GLB1: variants seen among roughly 807,000 people sequenced by gnomAD.
The protein encoded by GLB1 is beta-galactosidase.
A neutral mutation model predicts 74.0 loss-of-function variants in GLB1; 56 were observed. The ratio of observed to expected loss-of-function variants is 0.76; its 90% CI spans 0.61 to 0.94. GLB1 has a LOEUF of 0.94. Among genes scored for constraint, GLB1 ranks in the 40% least tolerant of loss-of-function variants. The pLI is 0.00. For synonymous variants in GLB1, 323 were observed against 323.6 expected, an observed-to-expected ratio of 1.00 and a Z score of 0.02; for missense variants, 787 against 845.5, an observed-to-expected ratio of 0.93 and a Z score of 0.86.
the GLB1 span, among the ~76,000 whole-genome samples, chr3:32,987,464 A>AAACCACG: frequency 6.6e-5 from 10 of 152,188 alleles, no homozygotes; most frequent in Non-Finnish European, 4.4e-5. Context: ...TCCCCTCTGT[A>AAACCACG]AACCACGTGC....
intron 10 of GLB1, among the ~76,000 whole-genome samples, chr3:33,029,302 C>T (rs747248281): frequency 2.0e-5 from 3 of 152,180 alleles, no homozygotes; most frequent in African/African-American, 4.8e-5. Flanking sequence ...ACATTCAACA[C>T]GGGAAGCTGC....
chr3:33,095,625 C>T (rs1700991533), intron 1 of GLB1, among the ~76,000 whole-genome samples: 1 of 152,154 alleles, frequency 6.6e-6, no homozygotes, highest in Non-Finnish European at 1.5e-5. Flanking sequence ...CCACCCTGAC[C>T]CAATGACGCT....
intron 15 of GLB1, among the ~76,000 whole-genome samples, chr3:33,002,678 G>T (rs1575398592): frequency 6.6e-6 from 1 of 152,072 alleles, no homozygotes; most frequent in Non-Finnish European, 1.5e-5. Flanking sequence ...CAAAATGTTG[G>T]GATTACAGGT....
chr3:33,087,143 A>G (rs1700538068), intron 1 of GLB1, among the ~76,000 whole-genome samples: 1 of 152,226 alleles, frequency 6.6e-6, no homozygotes, highest in South Asian at 2.1e-4. Context: ...GAACAACTGT[A>G]TGCCAACAAA....
rs148860108 is a variant in GLB1, at chr3:33,016,862, G to A, written c.1348-22C>T. 3 of 1,613,108 alleles carry A rather than the reference G, an allele frequency of 1.9e-6. No individual in the cohort carries two copies. The African/African-American group carries it at 4.0e-5, about 22-fold the overall frequency. ...GGATCTGTGGGGTTCAAGACCAAAT[G>A]ACAATTGAATTGAGGGTAAGAAGGT... is the stretch of plus-strand genomic sequence containing the variant. On this transcript the variant is annotated intron_variant, in intron 13 of 15. Transcript: ENST00000307363.
chr3:33,054,974 C>T (rs1699152772), intron 6 of GLB1, among the ~76,000 whole-genome samples: 2 of 152,264 alleles, frequency 1.3e-5, no homozygotes, highest in Non-Finnish European at 2.9e-5. Context: ...CTGATAACCA[C>T]TTGCTCTGAG....
rs1412829812 is a variant in GLB1 at position 33,091,750 on chromosome 3, G to C, written c.75+5261C>G. 3 of 985,304 alleles carry C rather than the reference G, an allele frequency of 3.0e-6. No homozygotes were observed. The African/African-American group carries it at 5.2e-5, about 17-fold the overall frequency. 61.0% of individuals were successfully genotyped at this position (985,304 alleles called of 1,614,324 possible). On this transcript the variant is annotated intron_variant, in intron 1 of 15. Coordinates refer to ENST00000307363, the MANE Select transcript of GLB1 (RefSeq NM_000404.4). ...AGCAGGGTTAGCCTCTCCAGTCAGA[G>C]CGAGTGTCTTCACTCCCCATTGGAG...
At chr3:33,010,913 G>A (rs1448534546) in intron 15 of GLB1, among the ~76,000 whole-genome samples, 3 of 152,166 alleles carry the variant, frequency 2.0e-5, no homozygotes, top group Non-Finnish European at 4.4e-5. Context: ...CTGGAGTGCA[G>A]TGGCATGCTC....
intron 2 of GLB1, 85 bp from the exon 3 acceptor site, chr3:33,069,055 T>C: frequency 3.7e-6 from 6 of 1,608,954 alleles, no homozygotes; most frequent in Non-Finnish European, 4.2e-6. Context: ...ATTAGGACTA[T>C]TGCTAACACA....
chr3:33,096,251 G>A (rs1306434201), intron 1 of GLB1: 3 of 359,480 alleles, frequency 8.3e-6, no homozygotes, highest in Non-Finnish European at 1.2e-5. Context: ...GCAGCGCTTT[G>A]GAGCCCCTCA....
intron 15 of GLB1, among the ~76,000 whole-genome samples, chr3:33,012,813 A>G (rs1345246473): frequency 6.6e-6 from 1 of 152,050 alleles, no homozygotes; most frequent in Non-Finnish European, 1.5e-5. Context: ...TGTCCAATCC[A>G]TTGTCACAAT....
In GLB1 at chr3:33,096,671, C is replaced by T. The variant is rs1290168628; in HGVS notation, c.75+340G>A. ...CGGAGGCACCCTCTAACCCGCGCAA[C>T]TTGGAATCCCCTCCCGGAAAGCCAA... On this transcript the variant is annotated intron_variant, in intron 1 of 15. Coordinates refer to ENST00000307363, the MANE Select transcript of GLB1 (RefSeq NM_000404.4). 11 of 1,137,992 alleles carry T rather than the reference C, an allele frequency of 9.7e-6. No individual in the cohort carries two copies. The African/African-American group carries it at 1.8e-4, about 19-fold the overall frequency. 70.5% of individuals were successfully genotyped at this position (1,137,992 alleles called of 1,614,324 possible). A position where few individuals can be genotyped will look rare whatever the true frequency, so the allele number is the denominator to read the frequency against.
intron 7 of GLB1, chr3:33,052,758 G>A (rs1443630153): frequency 6.5e-6 from 1 of 153,374 alleles, no homozygotes; most frequent in Non-Finnish European, 1.5e-5. Flanking sequence ...AACACTTCAT[G>A]TTTTTCTTGG....
the GLB1 span, among the ~76,000 whole-genome samples, chr3:32,986,044 A>G: frequency 1.3e-5 from 2 of 152,234 alleles, no homozygotes; most frequent in African/African-American, 4.8e-5. Context: ...TTTAAAAATT[A>G]AAATGTGTTT....
intron 1 of GLB1, among the ~76,000 whole-genome samples, chr3:33,075,840 G>C (rs1700082529): frequency 6.6e-6 from 1 of 152,052 alleles, no homozygotes; most frequent in South Asian, 2.1e-4. Context: ...GGGAGATCGA[G>C]ACCATCCTAG....
At chr3:33,045,845 A>C (rs1698719730) in intron 10 of GLB1, 1 of 1,011,126 alleles carries the variant, frequency 9.9e-7, no homozygotes, top group Non-Finnish European at 1.3e-6. Context: ...CTCACCATAT[A>C]AGAAGTGAAT....
At chr3:33,085,632 C>T (rs1038620469) in intron 1 of GLB1, among the ~76,000 whole-genome samples, 1 of 151,820 alleles carries the variant, frequency 6.6e-6, no homozygotes. Flanking sequence ...ACCAAAGCTG[C>T]TTCTTCAAGA....
chr3:33,084,332 G>A (rs1700427603), intron 1 of GLB1, among the ~76,000 whole-genome samples: 2 of 152,192 alleles, frequency 1.3e-5, no homozygotes, highest in Admixed American at 1.3e-4. Context: ...TATTTCAGGT[G>A]ACTATGGGTC....
chr3:33,005,002 C>A (rs375927915), intron 15 of GLB1, among the ~76,000 whole-genome samples: 10 of 152,308 alleles, frequency 6.6e-5, no homozygotes, highest in Admixed American at 1.3e-4. Context: ...AACATAGAAG[C>A]TGACAGAGAA....
Sources: gnomAD v4.1 joint callset for allele counts (sites outside exome capture counted in the v4.1 genomes callset) on GRCh38, gnomAD v4.1.1 for gene constraint, MANE v1.5 for transcripts, NCBI Gene and HGNC (gene_info 2026-07-23, HGNC 2026-07-21) for gene names.